Variants in OR1J4 observed in about 807,000 individuals in gnomAD.
The protein encoded by OR1J4 is olfactory receptor family 1 subfamily J member 4.
For synonymous variants in OR1J4, 154 were observed against 152.6 expected (o/e 1.01, Z -0.07); for missense variants, 350 against 371.1 (o/e 0.94, Z 0.47).
Position 122,519,857 on chromosome 9 carries a change from C to T in OR1J4, c.717C>T (p.Ser239=). Residue 239 remains serine, a synonymous_variant, in exon 1 of 1, where the codon TCC becomes TCT. Coordinates refer to ENST00000340750, the MANE Select transcript of OR1J4 (RefSeq NM_001004452.1). ...CTAAGGGCATCTTCAAAGCTTTGTC[C>T]ACCTGTGGCTCTCACCTCTCTGTGG... is the stretch of plus-strand genomic sequence containing the variant. ...PSTKGIFKAL[S]TCGSHLSVVS... is the part of the protein sequence containing the mutation. 1 of 1,614,138 alleles carries T rather than the reference C, an allele frequency of 6.2e-7. No individual in the cohort carries two copies.
rs140164528 is a variant in OR1J4, at chr9:122,519,379, A to G, written c.239A>G (p.Lys80Arg). Residue 80 changes from lysine (K) to arginine (R), a missense_variant, in exon 1 of 1, where the codon AAG becomes AGG. Coordinates refer to ENST00000340750, the MANE Select transcript of OR1J4 (RefSeq NM_001004452.1). ...DISLSSVTVPKMLLSMQTQDQ... is the reference protein window; with the variant it reads ...DISLSSVTVPRMLLSMQTQDQ... ...TCCCTTTCATCTGTCACTGTCCCAA[A>G]GATGTTATTAAGCATGCAAACTCAG... 68 of 1,614,036 alleles carry G rather than the reference A, an allele frequency of 4.2e-5. No individual in the cohort carries two copies. Among genetic ancestry groups the G allele is most frequent in the Non-Finnish European group, 5.6e-5 (66 of 1,180,018 alleles).
In OR1J4 at chr9:122,519,628, T is replaced by A. The variant is rs774813118; in HGVS notation, c.488T>A (p.Leu163Gln). The A allele has an allele frequency of 6.2e-7, 1 of 1,614,180 alleles. No individual in the cohort carries two copies. Among genetic ancestry groups the A allele is most frequent in the Admixed American group, 1.7e-5 (1 of 60,010 alleles). ...AATGCCCTGTCTCACACTCTCCTCC[T>A]GGCCCAGCTGTCCTTTTGTGCTGAC... ...CTNALSHTLL[L>Q]AQLSFCADNT... The change falls in exon 1 of 1, where the codon CTG becomes CAG. Residue 163 changes from leucine to glutamine, a missense_variant. Transcript: ENST00000340750.
chr9:122,519,989 A>C lies in OR1J4; in HGVS notation c.849A>C (p.Pro283=), dbSNP rs1479101957. 2 of 1,614,178 alleles carry C rather than the reference A, an allele frequency of 1.2e-6. No individual in the cohort carries two copies. Residue 283 remains proline (P), a synonymous_variant, in exon 1 of 1, where the codon CCA becomes CCC. Coordinates refer to ENST00000340750, the MANE Select transcript of OR1J4 (RefSeq NM_001004452.1). ...CTGTGATGTACACGGTGATCACCCC[A>C]TTGCTGAATCCCTTCATTTATAGCC... The part of the protein sequence containing the change: ...IASVMYTVIT[P]LLNPFIYSLR...
Position 122,519,311 on chromosome 9 carries a change from C to T in OR1J4, c.171C>T (p.Thr57=), listed in dbSNP as rs927900195. 1.2e-6 allele frequency: 2 copies of T among 1,613,974 alleles called. No individual in the cohort carries two copies. Among genetic ancestry groups the T allele is most frequent in the African/African-American group, 2.7e-5 (2 of 74,904 alleles). Residue 57 remains threonine, a synonymous_variant, in exon 1 of 1, where the codon ACC becomes ACT. Transcript: ENST00000340750. ...LLIRLDSHLH[T]PMFFFLSHLA... is the part of the protein sequence containing the mutation. ...TCCGGCTGGACTCTCACCTTCACACCCCCATGTTCTTCTTCCTCAGCCACT... is the reference window on the plus strand; with the variant it reads ...TCCGGCTGGACTCTCACCTTCACACTCCCATGTTCTTCTTCCTCAGCCACT...
At position 122,519,456 on chromosome 9, in the gene OR1J4, T is replaced by A. The variant is rs533900088; in HGVS notation, c.316T>A (p.Phe106Ile). Residue 106 changes from phenylalanine (F) to isoleucine (I), a missense_variant, in exon 1 of 1, where the codon TTT becomes ATT. Physicochemically the swap from Phe to Ile is conservative, Grantham distance 21. Coordinates refer to ENST00000340750, the MANE Select transcript of OR1J4 (RefSeq NM_001004452.1). ...TGTAACTCAGATGTATTTTTTCATA[T>A]TTTTCACTGATCTAGACAATTTCCT... ...GCVTQMYFFI[F>I]FTDLDNFLLT... 44 of 1,614,042 alleles carry A rather than the reference T, an allele frequency of 2.7e-5. No homozygotes were observed. The highest frequency in any genetic ancestry group is 3.5e-5 in the Non-Finnish European group (41 of 1,180,016).
chr9:122,519,404 G>A lies in OR1J4; in HGVS notation c.264G>A (p.Gln88=). ...VPKMLLSMQT[Q]DQSILYAGCV... is the part of the protein sequence containing the mutation. ...AGATGTTATTAAGCATGCAAACTCA[G>A]GATCAATCCATTCTTTATGCAGGGT... Residue 88 remains glutamine (Q), a synonymous_variant, in exon 1 of 1, where the codon CAG becomes CAA. Transcript: ENST00000340750. 1 of 1,614,086 alleles carries A rather than the reference G, an allele frequency of 6.2e-7. No individual in the cohort carries two copies. The highest frequency in any genetic ancestry group is 1.1e-5 in the South Asian group (1 of 91,080).
chr9:122,519,779 C>T lies in OR1J4; in HGVS notation c.639C>T (p.Cys213=). The change falls in exon 1 of 1, where the codon TGC becomes TGT. Residue 213 remains cysteine (C), a synonymous_variant. Coordinates refer to ENST00000340750, the MANE Select transcript of OR1J4 (RefSeq NM_001004452.1). ...GQAVITLPLI[C]ILISYGHIGV... ...CAGTCATTACTCTACCACTAATATG[C>T]ATCTTGATCTCTTATGGCCACATTG... 4 of 1,614,166 alleles carry T rather than the reference C, an allele frequency of 2.5e-6. No homozygotes were observed. The highest frequency in any genetic ancestry group is 3.4e-6 in the Non-Finnish European group (4 of 1,180,030).
In OR1J4 at chr9:122,519,655, A is replaced by C. The variant is rs1378055950; in HGVS notation, c.515A>C (p.Asn172Thr). The C allele has an allele frequency of 3.1e-5, 50 of 1,613,966 alleles. No homozygotes were observed. The East Asian group carries it at 1.0e-3, about 33-fold the overall frequency. ...GCCCAGCTGTCCTTTTGTGCTGACA[A>C]CACCATCCCCCATTTCTTCTGTGAT... Reference protein sequence around the residue: ...LLAQLSFCADNTIPHFFCDLV... With the variant: ...LLAQLSFCADTTIPHFFCDLV... Residue 172 changes from asparagine (N) to threonine (T), a missense_variant, in exon 1 of 1, where the codon AAC becomes ACC. Transcript: ENST00000340750.
chr9:122,519,838 G>T lies in OR1J4; in HGVS notation c.698G>T (p.Gly233Val), dbSNP rs146362618. 1 of 1,613,936 alleles carries T rather than the reference G, an allele frequency of 6.2e-7. No homozygotes were observed. The highest frequency in any genetic ancestry group is 1.7e-5 in the Admixed American group (1 of 60,002). ...VTILKAPSTK[G>V]IFKALSTCGS... ...ATCCTCAAGGCTCCATCTACTAAGGGCATCTTCAAAGCTTTGTCCACCTGT... is the reference window on the plus strand; with the variant it reads ...ATCCTCAAGGCTCCATCTACTAAGGTCATCTTCAAAGCTTTGTCCACCTGT... The change falls in exon 1 of 1, where the codon GGC becomes GTC. Residue 233 changes from glycine (G) to valine (V), a missense_variant. By Grantham distance (109) the Gly-to-Val change is moderately radical (BLOSUM62 -3). Coordinates refer to ENST00000340750, the MANE Select transcript of OR1J4 (RefSeq NM_001004452.1).
chr9:122,519,388 T>C lies in OR1J4; in HGVS notation c.248T>C (p.Leu83Ser). 1 of 1,614,190 alleles carries C rather than the reference T, an allele frequency of 6.2e-7. No individual in the cohort carries two copies. ...TCTGTCACTGTCCCAAAGATGTTATTAAGCATGCAAACTCAGGATCAATCC... is the reference window on the plus strand; with the variant it reads ...TCTGTCACTGTCCCAAAGATGTTATCAAGCATGCAAACTCAGGATCAATCC... ...LSSVTVPKML[L>S]SMQTQDQSIL... The change falls in exon 1 of 1, where the codon TTA becomes TCA. Residue 83 changes from leucine to serine, a missense_variant. Physicochemically the swap from Leu to Ser is moderately radical, Grantham distance 145. Coordinates refer to ENST00000340750, the MANE Select transcript of OR1J4 (RefSeq NM_001004452.1).
chr9:122,519,444 T>C lies in OR1J4; in HGVS notation c.304T>C (p.Tyr102His), dbSNP rs1463608043. 1.2e-6 allele frequency: 2 copies of C among 1,614,222 alleles called. No individual in the cohort carries two copies. Among genetic ancestry groups the C allele is most frequent in the Non-Finnish European group, 8.5e-7 (1 of 1,180,040 alleles). ...TTATGCAGGGTGTGTAACTCAGATG[T>C]ATTTTTTCATATTTTTCACTGATCT... ...ILYAGCVTQM[Y>H]FFIFFTDLDN... Residue 102 changes from tyrosine (Y) to histidine (H), a missense_variant, in exon 1 of 1, where the codon TAT becomes CAT. Tyr to His is a moderately conservative substitution (Grantham distance 83, BLOSUM62 2). Transcript: ENST00000340750.
At position 122,519,825 on chromosome 9, in the gene OR1J4, C is replaced by G. The variant is rs142848967; in HGVS notation, c.685C>G (p.Pro229Ala). ...GHIGVTILKAPSTKGIFKALS... is the reference protein window; with the variant it reads ...GHIGVTILKAASTKGIFKALS... ...CATTGGGGTCACCATCCTCAAGGCT[C>G]CATCTACTAAGGGCATCTTCAAAGC... Residue 229 changes from proline to alanine, a missense_variant, in exon 1 of 1, where the codon CCA (proline) becomes GCA (alanine). Physicochemically the swap from Pro to Ala is conservative, Grantham distance 27 (BLOSUM62 -1). Coordinates refer to ENST00000340750, the MANE Select transcript of OR1J4 (RefSeq NM_001004452.1). 5.0e-6 allele frequency: 8 copies of G among 1,614,064 alleles called. No homozygotes were observed. In the African/African-American group the frequency reaches 9.3e-5, roughly 19 times the overall value.
At position 122,519,638 on chromosome 9, in the gene OR1J4, G is replaced by A; in HGVS notation, c.498G>A (p.Leu166=). 1 of 1,614,072 alleles carries A rather than the reference G, an allele frequency of 6.2e-7. No homozygotes were observed. The highest frequency in any genetic ancestry group is 8.5e-7 in the Non-Finnish European group (1 of 1,180,028). ...ALSHTLLLAQ[L]SFCADNTIPH... is the part of the protein sequence containing the mutation. Reference sequence around the variant, plus strand: ...CTCACACTCTCCTCCTGGCCCAGCTGTCCTTTTGTGCTGACAACACCATCC... The same window carrying A: ...CTCACACTCTCCTCCTGGCCCAGCTATCCTTTTGTGCTGACAACACCATCC... The change falls in exon 1 of 1, where the codon CTG becomes CTA. Residue 166 remains leucine (L), a synonymous_variant. Transcript: ENST00000340750.
Position 122,519,433 on chromosome 9 carries a change from T to C in OR1J4, c.293T>C (p.Val98Ala), listed in dbSNP as rs1443346561. The change falls in exon 1 of 1, where the codon GTA becomes GCA. Residue 98 changes from valine (V) to alanine (A), a missense_variant. Transcript: ENST00000340750. ...QDQSILYAGC[V>A]TQMYFFIFFT... ...CAATCCATTCTTTATGCAGGGTGTGTAACTCAGATGTATTTTTTCATATTT... is the reference window on the plus strand; with the variant it reads ...CAATCCATTCTTTATGCAGGGTGTGCAACTCAGATGTATTTTTTCATATTT... The C allele has an allele frequency of 6.2e-7, 1 of 1,614,210 alleles. No homozygotes were observed. Among genetic ancestry groups the C allele is most frequent in the Non-Finnish European group, 8.5e-7 (1 of 1,180,030 alleles).
Position 122,519,282 on chromosome 9 carries a change from C to T in OR1J4, c.142C>T (p.Leu48Phe), listed in dbSNP as rs369796786. The T allele has an allele frequency of 9.7e-5, 156 of 1,613,908 alleles. No individual in the cohort carries two copies. The highest frequency in any genetic ancestry group is 1.3e-4 in the Non-Finnish European group (149 of 1,180,036). Reference protein sequence around the residue: ...TVLGNLLIILLIRLDSHLHTP... With the variant: ...TVLGNLLIILFIRLDSHLHTP... The stretch of plus-strand genomic sequence containing the variant: ...GCTGGGGAACCTGCTCATCATCCTG[C>T]TCATCCGGCTGGACTCTCACCTTCA... The change falls in exon 1 of 1, where the codon CTC becomes TTC. Residue 48 changes from leucine to phenylalanine, a missense_variant. Coordinates refer to ENST00000340750, the MANE Select transcript of OR1J4 (RefSeq NM_001004452.1).
Position 122,519,173 on chromosome 9 carries a change from G to A in OR1J4, c.33G>A (p.Glu11=). The A allele has an allele frequency of 6.2e-7, 1 of 1,611,768 alleles. No homozygotes were observed. The highest frequency in any genetic ancestry group is 8.5e-7 in the Non-Finnish European group (1 of 1,178,248). Residue 11 remains glutamate (E), a synonymous_variant, in exon 1 of 1, where the codon GAG becomes GAA. Transcript: ENST00000340750. ...GGGAGAATCAGAGCAGTGTGTCTGA[G>A]TTCCTCCTCCTGGACCTCCCCATCT... MKRENQSSVS[E]FLLLDLPIWP...
chr9:122,519,752 G>A lies in OR1J4; in HGVS notation c.612G>A (p.Gln204=), dbSNP rs754757245. 1 of 1,614,138 alleles carries A rather than the reference G, an allele frequency of 6.2e-7. No individual in the cohort carries two copies. The highest frequency in any genetic ancestry group is 8.5e-7 in the Non-Finnish European group (1 of 1,180,032). ...LNELVIFTVG[Q]AVITLPLICI... ...AGCTGGTCATTTTCACAGTGGGACA[G>A]GCAGTCATTACTCTACCACTAATAT... The change falls in exon 1 of 1, where the codon CAG becomes CAA. Residue 204 remains glutamine (Q), a synonymous_variant. Transcript: ENST00000340750.
In OR1J4 at chr9:122,519,912, C is replaced by T. The variant is rs777206122; in HGVS notation, c.772C>T (p.Leu258=). ...VSLYYGTIIG[L]YFLPSSSASS... is the part of the protein sequence containing the mutation. The stretch of plus-strand genomic sequence containing the variant: ...TCTGTATTATGGCACAATTATTGGA[C>T]TGTATTTTCTCCCCTCATCCAGTGC... The change falls in exon 1 of 1, where the codon CTG becomes TTG. Residue 258 remains leucine (L), a synonymous_variant. Transcript: ENST00000340750. 3 of 1,614,036 alleles carry T rather than the reference C, an allele frequency of 1.9e-6. No individual in the cohort carries two copies. The highest frequency in any genetic ancestry group is 3.3e-5 in the Admixed American group (2 of 60,000).
chr9:122,519,626 C>T lies in OR1J4; in HGVS notation c.486C>T (p.Leu162=). 6.2e-7 allele frequency: 1 copy of T among 1,614,154 alleles called. No homozygotes were observed. The highest frequency in any genetic ancestry group is 8.5e-7 in the Non-Finnish European group (1 of 1,180,024). Residue 162 remains leucine, a synonymous_variant, in exon 1 of 1, where the codon CTC becomes CTT. Coordinates refer to ENST00000340750, the MANE Select transcript of OR1J4 (RefSeq NM_001004452.1). ...SCTNALSHTL[L]LAQLSFCADN... ...CCAATGCCCTGTCTCACACTCTCCT[C>T]CTGGCCCAGCTGTCCTTTTGTGCTG...
Sources: gnomAD v4.1 joint callset for allele counts on GRCh38, gnomAD v4.1.1 for gene constraint, MANE v1.5 for transcripts, NCBI Gene and HGNC (gene_info 2026-07-23, HGNC 2026-07-21) for gene names.